Variants in KDM2A observed in about 807,000 individuals in gnomAD.
KDM2A encodes the protein lysine-specific demethylase 2A.
KDM2A carries 3 observed loss-of-function variants against 137.3 expected under a neutral mutation model. The observed-to-expected ratio is 0.02, with a 90% confidence interval of 0.01 to 0.06. KDM2A has a LOEUF of 0.06. KDM2A is among the 10% of genes least tolerant of loss of function. The pLI, the probability that KDM2A is intolerant of heterozygous loss-of-function variation, is 1.00. For synonymous variants in KDM2A, 512 were observed against 541.5 expected, an observed-to-expected ratio of 0.95 and a Z score of 0.76; for missense variants, 738 against 1,510.6, an observed-to-expected ratio of 0.49 and a Z score of 8.48.
intron 2 of KDM2A, among the ~76,000 whole-genome samples, chr11:67,131,271 C>G (rs981092521): frequency 1.3e-5 from 2 of 151,814 alleles, no homozygotes; most frequent in African/African-American, 4.8e-5. Flanking sequence ...TTGCTGTGAG[C>G]TGAGATCTCA....
intron 4 of KDM2A, 66 bp from the exon 5 acceptor site, chr11:67,181,780 A>G: frequency 7.0e-7 from 1 of 1,429,012 alleles, no homozygotes; most frequent in Non-Finnish European, 9.9e-7. Flanking sequence ...TACTTTAAGA[A>G]AAAAAACTCA....
chr11:67,179,495 ATC>A (rs375814635), intron 2 of KDM2A, among the ~76,000 whole-genome samples: 1 of 152,116 alleles, frequency 6.6e-6, no homozygotes, highest in African/African-American at 2.4e-5. Context: ...CTGGTCTCTA[ATC>A]TCGAACTCCC....
At chr11:67,167,129 C>G (rs1371047538) in intron 2 of KDM2A, among the ~76,000 whole-genome samples, 1 of 152,096 alleles carries the variant, frequency 6.6e-6, no homozygotes, top group Non-Finnish European at 1.5e-5. Context: ...TGTTAGCACC[C>G]AAGGAGACAA....
intron 19 of KDM2A, 132 bp downstream of exon 19, chr11:67,253,743 A>G: frequency 1.1e-6 from 1 of 899,624 alleles, no homozygotes; most frequent in Non-Finnish European, 1.7e-6. Context: ...AAATGAAAAC[A>G]GAATGATGGA....
intron 5 of KDM2A, among the ~76,000 whole-genome samples, chr11:67,184,344 A>ATT (rs972680060): frequency 6.6e-6 from 1 of 151,254 alleles, no homozygotes; most frequent in African/African-American, 2.4e-5. Flanking sequence ...AAATACAAAA[A>ATT]TTAGGCCGGG....
At chr11:67,211,239 A>G (rs1403116660) in intron 6 of KDM2A, among the ~76,000 whole-genome samples, 1 of 152,060 alleles carries the variant, frequency 6.6e-6, no homozygotes, top group Non-Finnish European at 1.5e-5. Context: ...ATGTTCAGTA[A>G]AGTGGACCCC....
rs1859584586 is a variant in KDM2A, at chr11:67,255,711, C to T, written c.*656C>T. The T allele has an allele frequency of 2.6e-6, 1 of 388,586 alleles. No individual in the cohort carries two copies. Among genetic ancestry groups the T allele is most frequent in the South Asian group, 1.9e-5 (1 of 53,396 alleles). The allele number at this position is 388,586 out of a possible 1,614,324, so 24.1% of individuals were successfully genotyped here. A position where few individuals can be genotyped will look rare whatever the true frequency, so the allele number is the denominator to read the frequency against. On this transcript the variant is annotated 3_prime_UTR_variant, in exon 21 of 21. Coordinates refer to ENST00000529006, the MANE Select transcript of KDM2A (RefSeq NM_012308.3). Reference sequence around the variant, plus strand: ...ATTAGGTTTCCCACCCCAGCCTACCCGACTTACTTGCTAGTCTCTATGAGG... The same window carrying T: ...ATTAGGTTTCCCACCCCAGCCTACCTGACTTACTTGCTAGTCTCTATGAGG...
At chr11:67,236,250 C>T (rs1858868975) in intron 12 of KDM2A, among the ~76,000 whole-genome samples, 1 of 152,182 alleles carries the variant, frequency 6.6e-6, no homozygotes, top group South Asian at 2.1e-4. Flanking sequence ...CCTGCCTCAG[C>T]CTCCTGAGTA....
intron 2 of KDM2A, among the ~76,000 whole-genome samples, chr11:67,146,021 C>G (rs978825804): frequency 1.4e-5 from 2 of 145,208 alleles, no homozygotes; most frequent in Non-Finnish European, 3.0e-5. Context: ...GAGACAGAGT[C>G]TATCTCTGTT....
chr11:67,225,026 G>A (rs1195048180), intron 10 of KDM2A, among the ~76,000 whole-genome samples: 3 of 151,102 alleles, frequency 2.0e-5, no homozygotes, highest in Admixed American at 6.6e-5. Flanking sequence ...TAGTAGAGAC[G>A]GGGTTTCAGC....
At chr11:67,249,958 A>C in intron 16 of KDM2A, 128 bp from the exon 17 acceptor site, 5 of 642,250 alleles carry the variant, frequency 7.8e-6, no homozygotes, top group Non-Finnish European at 1.2e-5. Flanking sequence ...CTCTGAGGGA[A>C]TGACCCCCTC....
In KDM2A at chr11:67,247,036, T is replaced by TA. The variant is rs1565423911; in HGVS notation, c.1965+920_1965+921insA. Among the ~76,000 whole-genome samples the TA allele has an allele frequency of 1.9e-4, 13 of 66,976 alleles. 1 individual carries two copies. The highest frequency in any genetic ancestry group is 7.7e-4 in the African/African-American group (11 of 14,336). 43.9% of individuals were successfully genotyped at this position (66,976 alleles called of 152,430 possible). On this transcript the variant is annotated intron_variant, in intron 15 of 20. Transcript: ENST00000529006. ...TTATTCATTTAATGTTATAAATTAT[T>TA]TTATATATATATATATATATATATA...
chr11:67,134,664 C>T (rs999364137), intron 2 of KDM2A, among the ~76,000 whole-genome samples: 1 of 151,872 alleles, frequency 6.6e-6, no homozygotes, highest in African/African-American at 2.4e-5. Context: ...GTCGCCACGC[C>T]CAGCTAATTT....
At chr11:67,169,649 T>C (rs1856831045) in intron 2 of KDM2A, among the ~76,000 whole-genome samples, 1 of 151,916 alleles carries the variant, frequency 6.6e-6, no homozygotes, top group South Asian at 2.1e-4. Context: ...GTGCTGAGAT[T>C]ATAGGCATGA....
intron 2 of KDM2A, among the ~76,000 whole-genome samples, chr11:67,144,171 C>T (rs567223580): frequency 6.6e-6 from 1 of 151,640 alleles, no homozygotes; most frequent in Non-Finnish European, 1.5e-5. Flanking sequence ...TCTCAAACTC[C>T]TGATGTCACG....
At chr11:67,232,493 T>G (rs1469092573) in intron 12 of KDM2A, among the ~76,000 whole-genome samples, 1 of 152,218 alleles carries the variant, frequency 6.6e-6, no homozygotes, top group African/African-American at 2.4e-5. Flanking sequence ...GTTTATTTAT[T>G]TTTTAATTAT....
intron 15 of KDM2A, among the ~76,000 whole-genome samples, chr11:67,247,071 ATTTTT>A (rs1156333048): frequency 4.4e-3 from 74 of 16,772 alleles, no homozygotes; most frequent in Admixed American, 0.012. Flanking sequence ...ATATATATAT[ATTTTT>A]TTTTTTTTTT....
At chr11:67,235,389 C>T (rs1186530049) in intron 12 of KDM2A, among the ~76,000 whole-genome samples, 1 of 150,790 alleles carries the variant, frequency 6.6e-6, no homozygotes, top group Non-Finnish European at 1.5e-5. Flanking sequence ...ACCACAACCT[C>T]CACCTCCCAG....
intron 2 of KDM2A, among the ~76,000 whole-genome samples, chr11:67,177,192 G>C (rs1856989655): frequency 1.3e-5 from 2 of 152,026 alleles, no homozygotes; most frequent in African/African-American, 4.8e-5. Flanking sequence ...CTTGAACCCG[G>C]GAGGTGGAGG....
Sources: gnomAD v4.1 joint callset for allele counts (sites outside exome capture counted in the v4.1 genomes callset) on GRCh38, gnomAD v4.1.1 for gene constraint, MANE v1.5 for transcripts, NCBI Gene and HGNC (gene_info 2026-07-23, HGNC 2026-07-21) for gene names.